The following GABRB2 variants were observed in gnomAD, a reference collection of about 807,000 sequenced individuals.
The protein encoded by GABRB2 is gamma-aminobutyric acid type A receptor subunit beta2.
Under a neutral mutation model 54.7 loss-of-function variants are expected in GABRB2, and 16 were observed. That is an observed-to-expected ratio of 0.29 (90% CI 0.20 to 0.44). The LOEUF (loss-of-function observed/expected upper bound fraction) is 0.44, where lower values mean the gene tolerates loss of function less well. GABRB2 is among the 20% of genes least tolerant of loss of function. GABRB2 has a pLI of 1.00. For missense variants in GABRB2, 355 were observed against 644.0 expected, an observed-to-expected ratio of 0.55 and a Z score of 4.86; for synonymous variants, 244 against 233.8, an observed-to-expected ratio of 1.04 and a Z score of -0.40.
chr5:161,413,141 TG>T (rs1336535076), intron 4 of GABRB2, among the ~76,000 whole-genome samples: 1 of 152,200 alleles, frequency 6.6e-6, no homozygotes, highest in Non-Finnish European at 1.5e-5. Flanking sequence ...TTCTATTTGC[TG>T]TTAAGGAACT....
At chr5:161,499,059 A>C (rs908870723) in intron 3 of GABRB2, among the ~76,000 whole-genome samples, 7 of 151,996 alleles carry the variant, frequency 4.6e-5, no homozygotes, top group African/African-American at 1.5e-4. Flanking sequence ...TCACCAATAA[A>C]TAGTGTGGGC....
intron 5 of GABRB2, among the ~76,000 whole-genome samples, chr5:161,394,911 T>C (rs1755950334): frequency 1.3e-5 from 2 of 151,996 alleles, no homozygotes; most frequent in Admixed American, 1.3e-4. Flanking sequence ...GAAAAATAAA[T>C]AGGAGTTACA....
chr5:161,438,084 C>T (rs1247518949), intron 4 of GABRB2, among the ~76,000 whole-genome samples: 2 of 152,168 alleles, frequency 1.3e-5, no homozygotes, highest in Non-Finnish European at 2.9e-5. Context: ...TACAGCAGGC[C>T]TTGTCCAAGA....
chr5:161,336,531 A>G lies in GABRB2; in HGVS notation c.679+101T>C, dbSNP rs1471847924. On this transcript the variant is annotated intron_variant, in intron 6 of 9. Coordinates refer to ENST00000393959, the MANE Select transcript of GABRB2 (RefSeq NM_001371727.1). ...GGTTTTCAGTGGATTTGTCTTGTAA[A>G]GTCATGGTGCTTCCCTGGGACAGAA... The G allele has an allele frequency of 6.8e-6, 9 of 1,329,872 alleles. No homozygotes were observed. In the African/African-American group the frequency reaches 1.2e-4, roughly 17 times the overall value. The allele number at this position is 1,329,872 out of a possible 1,614,324, so 82.4% of individuals were successfully genotyped here. A position where few individuals can be genotyped will look rare whatever the true frequency, so the allele number is the denominator to read the frequency against.
At chr5:161,321,943 A>G (rs1758223169) in intron 9 of GABRB2, among the ~76,000 whole-genome samples, 1 of 152,198 alleles carries the variant, frequency 6.6e-6, no homozygotes, top group African/African-American at 2.4e-5. Context: ...TAGGTACAGC[A>G]AAATTTTTCC....
chr5:161,384,626 T>G (rs1291755374), intron 5 of GABRB2, among the ~76,000 whole-genome samples: 2 of 152,290 alleles, frequency 1.3e-5, no homozygotes, highest in South Asian at 2.1e-4. Flanking sequence ...TTGGTGAAAC[T>G]TCACCAGAAA....
intron 5 of GABRB2, among the ~76,000 whole-genome samples, chr5:161,338,401 C>T (rs891234830): frequency 6.6e-6 from 1 of 152,152 alleles, no homozygotes; most frequent in Non-Finnish European, 1.5e-5. Context: ...AGAGTTTTAA[C>T]TGATTATACG....
intron 3 of GABRB2, among the ~76,000 whole-genome samples, chr5:161,472,294 C>T (rs536223480): frequency 6.6e-6 from 1 of 151,876 alleles, no homozygotes; most frequent in Non-Finnish European, 1.5e-5. Context: ...TGACCATTAG[C>T]CCGTGTTCTT....
rs747335724 is a variant in GABRB2 at position 161,294,315 on chromosome 5, A to G, written c.1305T>C (p.Asp435=). The change falls in exon 10 of 10, where the codon GAT becomes GAC. Residue 435 remains aspartate, a synonymous_variant. Coordinates refer to ENST00000393959, the MANE Select transcript of GABRB2 (RefSeq NM_001371727.1). ...CTTTCCGATACTGGATGCTGGAGGCATCATAGGCTAGCATTGTGCTTCTGG... is the reference window on the plus strand; with the variant it reads ...CTTTCCGATACTGGATGCTGGAGGCGTCATAGGCTAGCATTGTGCTTCTGG... ...GDPRSTMLAY[D]ASSIQYRKAG... The G allele has an allele frequency of 6.2e-7, 1 of 1,614,130 alleles. No homozygotes were observed. Among genetic ancestry groups the G allele is most frequent in the South Asian group, 1.1e-5 (1 of 91,086 alleles).
At chr5:161,401,765 C>G (rs956892132) in intron 5 of GABRB2, among the ~76,000 whole-genome samples, 7 of 152,088 alleles carry the variant, frequency 4.6e-5, no homozygotes, top group African/African-American at 1.4e-4. Flanking sequence ...GCACAATATC[C>G]AACTGTATAT....
intron 5 of GABRB2, among the ~76,000 whole-genome samples, chr5:161,397,123 A>G (rs1290607893): frequency 6.6e-6 from 1 of 152,204 alleles, no homozygotes; most frequent in Non-Finnish European, 1.5e-5. Flanking sequence ...TTCACAATCA[A>G]AAAATTTTAT....
chr5:161,542,742 G>T (rs1760859463), intron 3 of GABRB2, among the ~76,000 whole-genome samples: 1 of 152,114 alleles, frequency 6.6e-6, no homozygotes, highest in East Asian at 1.9e-4. Context: ...GTCCACAAAG[G>T]ATAATGAGGG....
chr5:161,364,056 T>C (rs1163785957), intron 5 of GABRB2, among the ~76,000 whole-genome samples: 1 of 152,210 alleles, frequency 6.6e-6, no homozygotes, highest in East Asian at 1.9e-4. Flanking sequence ...ATATAATACA[T>C]TAAACACTCA....
chr5:161,488,044 A>G (rs1758981080), intron 3 of GABRB2, among the ~76,000 whole-genome samples: 1 of 151,756 alleles, frequency 6.6e-6, no homozygotes, highest in Admixed American at 6.6e-5. Context: ...ACCTTCCTTC[A>G]CAAGAATAAT....
At chr5:161,352,187 C>T (rs143452558) in intron 5 of GABRB2, among the ~76,000 whole-genome samples, 8 of 151,958 alleles carry the variant, frequency 5.3e-5, no homozygotes, top group East Asian at 3.9e-4. Context: ...TATGACCCAG[C>T]GATTGCACTA....
intron 4 of GABRB2, among the ~76,000 whole-genome samples, chr5:161,427,607 T>C (rs770719570): frequency 7.2e-4 from 76 of 104,852 alleles, no homozygotes; most frequent in Non-Finnish European, 1.1e-3. Flanking sequence ...CACAACTTTG[T>C]TAATTTGGGT....
intron 3 of GABRB2, among the ~76,000 whole-genome samples, chr5:161,495,887 C>G (rs1047327536): frequency 6.6e-6 from 1 of 152,130 alleles, no homozygotes; most frequent in African/African-American, 2.4e-5. Context: ...AGCTGGCATG[C>G]TTCCTTTGAT....
At position 161,304,094 on chromosome 5, in the gene GABRB2, A is replaced by T. The variant is rs537286991; in HGVS notation, c.1192-9666T>A. On this transcript the variant is annotated intron_variant, in intron 9 of 9. Coordinates refer to ENST00000393959, the MANE Select transcript of GABRB2 (RefSeq NM_001371727.1). Reference sequence around the variant, plus strand: ...AAGTCTGGGATCACACTTTCAAATAAGGCTAGGGAGGTCATATAAGAACGT... The same window carrying T: ...AAGTCTGGGATCACACTTTCAAATATGGCTAGGGAGGTCATATAAGAACGT... Among the ~76,000 whole-genome samples, 136 of 152,276 alleles carry T rather than the reference A, an allele frequency of 8.9e-4. 1 individual carries two copies. The highest frequency in any genetic ancestry group is 3.2e-3 in the African/African-American group (133 of 41,552).
chr5:161,466,610 T>A (rs1758283744), intron 3 of GABRB2, among the ~76,000 whole-genome samples: 1 of 152,006 alleles, frequency 6.6e-6, no homozygotes, highest in Admixed American at 6.6e-5. Context: ...CCATTTACCC[T>A]CATTTTCCAT....
Sources: allele counts gnomAD v4.1 joint callset (sites outside exome capture counted in the v4.1 genomes callset), GRCh38; gene constraint gnomAD v4.1.1; transcripts MANE v1.5; gene names NCBI Gene and HGNC (gene_info 2026-07-23, HGNC 2026-07-21).